The following STK3 variants were observed in gnomAD, a reference collection of about 807,000 sequenced individuals.
The protein encoded by STK3 is serine/threonine kinase 3.
A neutral mutation model predicts 58.0 loss-of-function variants in STK3; 41 were observed. The observed-to-expected ratio is 0.71, with a 90% CI of 0.55 to 0.92. The LOEUF (loss-of-function observed/expected upper bound fraction) is 0.92, where lower values mean the gene tolerates loss of function less well. Ranked by LOEUF, STK3 falls within the 40% of genes least tolerant of loss-of-function variation. STK3 has a pLI of 0.00. For missense variants in STK3, 479 were observed against 602.7 expected (o/e 0.79, Z 2.15); for synonymous variants, 170 against 191.0 (o/e 0.89, Z 0.91).
intron 10 of STK3, among the ~76,000 whole-genome samples, chr8:98,491,738 C>T (rs1199887565): frequency 6.6e-6 from 1 of 152,102 alleles, no homozygotes; most frequent in Middle Eastern, 3.2e-3. Context: ...CAAACAGCAT[C>T]TTAAAAACCA....
chr8:98,875,185 T>C (rs1026082314), intron 3 of STK3: 1 of 152,190 alleles, frequency 6.6e-6, no homozygotes, highest in Admixed American at 6.5e-5. Flanking sequence ...TGTGGAAATA[T>C]TCAGTTGTTT....
At chr8:98,351,780 A>C in the STK3 span, among the ~76,000 whole-genome samples, 1 of 152,210 alleles carries the variant, frequency 6.6e-6, no homozygotes, top group South Asian at 2.1e-4. Context: ...AAATCTCCTT[A>C]GAGAAATGGC....
At chr8:98,388,599 C>T (rs1386519393), upstream of STK3, among the ~76,000 whole-genome samples, 1 of 152,138 alleles carries the variant, frequency 6.6e-6, no homozygotes, top group African/African-American at 2.4e-5. Flanking sequence ...GTAATTGATA[C>T]TATTGGGATG....
At chr8:98,378,772 A>G (rs1414300077) in intron 2 of STK3, among the ~76,000 whole-genome samples, 1 of 152,078 alleles carries the variant, frequency 6.6e-6, no homozygotes, top group Non-Finnish European at 1.5e-5. Flanking sequence ...AACACCACTG[A>G]TCCAGCATCA....
intron 1 of STK3, among the ~76,000 whole-genome samples, chr8:98,924,267 T>C (rs919572610): frequency 6.6e-6 from 1 of 152,220 alleles, no homozygotes; most frequent in Non-Finnish European, 1.5e-5. Context: ...GCCTGATTGC[T>C]TCCCTTGTCA....
intron 1 of STK3, among the ~76,000 whole-genome samples, chr8:98,916,345 C>T (rs907915603): frequency 8.5e-5 from 13 of 152,236 alleles, no homozygotes; most frequent in Middle Eastern, 3.4e-3. Context: ...ACCCAGGACG[C>T]GGAGGTTGCA....
chr8:98,718,896 T>TAGACA (rs1827212459), intron 4 of STK3, among the ~76,000 whole-genome samples: 1 of 152,184 alleles, frequency 6.6e-6, no homozygotes, highest in African/African-American at 2.4e-5. Flanking sequence ...TGGACAGTAC[T>TAGACA]GCACTAGAAA....
At chr8:98,644,852 T>C (rs1820281356) in intron 6 of STK3, among the ~76,000 whole-genome samples, 1 of 152,192 alleles carries the variant, frequency 6.6e-6, no homozygotes, top group East Asian at 1.9e-4. Flanking sequence ...CAGTTTTTCA[T>C]TGCCATCTCT....
intron 1 of STK3, among the ~76,000 whole-genome samples, chr8:98,918,470 A>T (rs1352940536): frequency 1.3e-5 from 2 of 152,210 alleles, no homozygotes; most frequent in East Asian, 3.9e-4. Flanking sequence ...CTTAGTATTT[A>T]TTAACTGTAG....
At chr8:98,774,882 A>G (rs1831566812) in intron 1 of STK3, 63 bp from the exon 2 acceptor site, 1 of 1,170,828 alleles carries the variant, frequency 8.5e-7, no homozygotes, top group African/African-American at 1.6e-5. Flanking sequence ...AAAATTTTTA[A>G]TTTTTAAAAT....
intron 10 of STK3, among the ~76,000 whole-genome samples, chr8:98,488,380 C>T (rs1327469325): frequency 1.3e-5 from 2 of 152,232 alleles, no homozygotes; most frequent in South Asian, 2.1e-4. Context: ...ATAACTTGTA[C>T]GGTGCCTTAA....
chr8:98,763,471 T>G (rs1451448492), intron 3 of STK3, among the ~76,000 whole-genome samples: 1 of 152,228 alleles, frequency 6.6e-6, no homozygotes, highest in African/African-American at 2.4e-5. Context: ...CTGAATGTAT[T>G]AAGAAAATAG....
chr8:98,882,787 G>A (rs1478463367), downstream of STK3: 2 of 152,188 alleles, frequency 1.3e-5, no homozygotes, highest in Non-Finnish European at 2.9e-5. Context: ...CTAGGACAGG[G>A]CCACTCAGAT....
intron 4 of STK3, among the ~76,000 whole-genome samples, chr8:98,730,715 CAAA>C (rs36085293): frequency 3.0e-5 from 2 of 66,372 alleles, no homozygotes; most frequent in Admixed American, 1.8e-4. Flanking sequence ...GACTCCGTCT[CAAA>C]AAAAAAAAAA....
At chr8:98,873,320 T>C (rs1837448763) in intron 3 of STK3, among the ~76,000 whole-genome samples, 1 of 152,198 alleles carries the variant, frequency 6.6e-6, no homozygotes, top group South Asian at 2.1e-4. Flanking sequence ...ATTCTGTTGA[T>C]TTGGGGTGGA....
intron 6 of STK3, among the ~76,000 whole-genome samples, chr8:98,659,220 A>T (rs1217900516): frequency 6.6e-6 from 1 of 152,102 alleles, no homozygotes; most frequent in Non-Finnish European, 1.5e-5. Context: ...TGCAAAATTC[A>T]AGGAGTAATA....
At chr8:98,563,398 C>G (rs1242544439) in intron 8 of STK3, among the ~76,000 whole-genome samples, 1 of 152,112 alleles carries the variant, frequency 6.6e-6, no homozygotes, top group Non-Finnish European at 1.5e-5. Context: ...CAGATGTATA[C>G]ACATACATAT....
At chr8:98,935,225 C>A (rs1268711124) in intron 1 of STK3, among the ~76,000 whole-genome samples, 2 of 152,204 alleles carry the variant, frequency 1.3e-5, no homozygotes, top group Admixed American at 1.3e-4. Flanking sequence ...CAGAATGCAG[C>A]TATCTTGGAC....
intron 3 of STK3, among the ~76,000 whole-genome samples, chr8:98,839,765 G>A (rs1270143222): frequency 6.6e-6 from 1 of 152,094 alleles, no homozygotes. Context: ...GATGACTGTG[G>A]CTTCTAAAAT....
Sources: gnomAD v4.1 joint callset for allele counts (sites outside exome capture counted in the v4.1 genomes callset) on GRCh38, gnomAD v4.1.1 for gene constraint, MANE v1.5 for transcripts, NCBI Gene and HGNC (gene_info 2026-07-23, HGNC 2026-07-21) for gene names.